The following CRTAC1 variants were observed in gnomAD, a reference collection of about 807,000 sequenced individuals.
CRTAC1 encodes the protein acidic secreted protein in cartilage.
In CRTAC1, 37 loss-of-function variants were observed where a neutral mutation model predicts 67.8. The observed-to-expected ratio is 0.55, with a 90% CI of 0.42 to 0.72. The LOEUF (loss-of-function observed/expected upper bound fraction) is 0.72. CRTAC1 is among the 30% of genes least tolerant of loss of function. CRTAC1 has a pLI of 0.00. For missense variants in CRTAC1, 780 were observed against 931.6 expected, an observed-to-expected ratio of 0.84 and a Z score of 2.12; for synonymous variants, 348 against 371.0, an observed-to-expected ratio of 0.94 and a Z score of 0.71.
chr10:97,924,920 G>C (rs1262828990), intron 3 of CRTAC1, among the ~76,000 whole-genome samples: 3 of 152,150 alleles, frequency 2.0e-5, no homozygotes, highest in Non-Finnish European at 2.9e-5. Flanking sequence ...GTGTGTGGAT[G>C]TGTGAATGAG....
chr10:97,875,364 G>C (rs2050135032), intron 14 of CRTAC1, among the ~76,000 whole-genome samples: 1 of 152,218 alleles, frequency 6.6e-6, no homozygotes, highest in Non-Finnish European at 1.5e-5. Context: ...CCTGGAGGAT[G>C]TTTTTCTTCT....
chr10:97,992,800 G>A (rs916064426), intron 2 of CRTAC1, among the ~76,000 whole-genome samples: 4 of 152,168 alleles, frequency 2.6e-5, no homozygotes, highest in Non-Finnish European at 5.9e-5. Context: ...GTGAGGAAGG[G>A]AGATATTGGT....
chr10:97,971,797 C>T (rs889907571), intron 2 of CRTAC1, among the ~76,000 whole-genome samples: 2 of 152,056 alleles, frequency 1.3e-5, no homozygotes, highest in African/African-American at 4.8e-5. Context: ...TTCAAAGATA[C>T]GTCTTATTAC....
At chr10:97,906,476 G>A (rs2050614542) in intron 6 of CRTAC1, among the ~76,000 whole-genome samples, 2 of 151,996 alleles carry the variant, frequency 1.3e-5, no homozygotes, top group Admixed American at 6.6e-5. Context: ...TTTCAATTAC[G>A]GGCCTAGCAC....
At chr10:97,967,594 T>G (rs892235009) in intron 2 of CRTAC1, among the ~76,000 whole-genome samples, 1 of 152,256 alleles carries the variant, frequency 6.6e-6, no homozygotes, top group Non-Finnish European at 1.5e-5. Context: ...TAAATATTTC[T>G]ATATGTAACC....
At chr10:97,916,398 A>T (rs1590206445) in intron 5 of CRTAC1, among the ~76,000 whole-genome samples, 1 of 152,182 alleles carries the variant, frequency 6.6e-6, no homozygotes, top group East Asian at 1.9e-4. Flanking sequence ...TTTATTGTCT[A>T]GTCATTTGTT....
chr10:97,950,971 T>C (rs936911633), intron 2 of CRTAC1, among the ~76,000 whole-genome samples: 1 of 152,180 alleles, frequency 6.6e-6, no homozygotes, highest in Admixed American at 6.5e-5. Flanking sequence ...ACTGAGAAGC[T>C]AGCTTGGGGG....
At chr10:97,894,160 T>A (rs1386899380) in intron 11 of CRTAC1, among the ~76,000 whole-genome samples, 1 of 152,204 alleles carries the variant, frequency 6.6e-6, no homozygotes, top group Non-Finnish European at 1.5e-5. Context: ...TAGGTTTGTT[T>A]TGTTTTCTTA....
intron 11 of CRTAC1, among the ~76,000 whole-genome samples, chr10:97,891,380 G>C (rs914349170): frequency 1.3e-5 from 2 of 152,186 alleles, no homozygotes; most frequent in Non-Finnish European, 2.9e-5. Context: ...CTCCTAGAAT[G>C]GTCTCCTTAG....
chr10:97,902,346 T>A (rs779791463), intron 7 of CRTAC1, among the ~76,000 whole-genome samples: 1 of 152,234 alleles, frequency 6.6e-6, no homozygotes, highest in Non-Finnish European at 1.5e-5. Context: ...AGAGGTTACC[T>A]GTAGCTGTGG....
intron 1 of CRTAC1, among the ~76,000 whole-genome samples, chr10:98,028,843 C>T (rs1350737725): frequency 1.3e-5 from 2 of 152,078 alleles, no homozygotes; most frequent in East Asian, 1.9e-4. Flanking sequence ...TTTGAACATC[C>T]ACCTACATTC....
intron 2 of CRTAC1, among the ~76,000 whole-genome samples, chr10:97,959,622 G>C (rs2051492287): frequency 6.6e-6 from 1 of 152,174 alleles, no homozygotes; most frequent in South Asian, 2.1e-4. Context: ...AAGGTGTGTG[G>C]TTTTACTGCC....
rs1842898662 is a variant in CRTAC1, at chr10:98,011,135, T to C, written c.224+3A>G. ...TGTCACACTGAGGGTGGGAGGCACT[T>C]ACCCCGCCACGACGATCTCAAAGTC... On this transcript the variant is annotated splice_donor_region_variant and intron_variant, in intron 2 of 14. Transcript: ENST00000370597. 1 of 1,613,556 alleles carries C rather than the reference T, an allele frequency of 6.2e-7. No individual in the cohort carries two copies. The highest frequency in any genetic ancestry group is 1.3e-5 in the African/African-American group (1 of 74,920).
chr10:97,877,539 C>T (rs971226354), intron 14 of CRTAC1, among the ~76,000 whole-genome samples: 1 of 152,208 alleles, frequency 6.6e-6, no homozygotes, highest in African/African-American at 2.4e-5. Context: ...GGGATCAACA[C>T]ATATTACTTT....
At chr10:97,942,529 C>T (rs1006900965) in intron 2 of CRTAC1, among the ~76,000 whole-genome samples, 2 of 152,078 alleles carry the variant, frequency 1.3e-5, no homozygotes, top group South Asian at 2.1e-4. Flanking sequence ...GACTTCTTTT[C>T]GCTTAGAATC....
intron 11 of CRTAC1, among the ~76,000 whole-genome samples, chr10:97,887,541 G>A (rs1266419024): frequency 6.6e-6 from 1 of 152,210 alleles, no homozygotes; most frequent in Non-Finnish European, 1.5e-5. Flanking sequence ...ACCACCACCA[G>A]CGGGACTTAG....
chr10:97,879,857 G>GTT, intron 14 of CRTAC1: 1 of 1,150,168 alleles, frequency 8.7e-7, no homozygotes. Flanking sequence ...AAGGGGGTGG[G>GTT]GACGGGGTGG....
intron 2 of CRTAC1, among the ~76,000 whole-genome samples, chr10:97,963,092 A>G (rs894490460): frequency 1.3e-5 from 2 of 151,964 alleles, no homozygotes; most frequent in African/African-American, 4.8e-5. Context: ...AAATCTAGGC[A>G]CAAGCAAAGC....
chr10:97,929,359 A>G (rs2050968512), intron 3 of CRTAC1, among the ~76,000 whole-genome samples: 1 of 152,188 alleles, frequency 6.6e-6, no homozygotes, highest in Non-Finnish European at 1.5e-5. Context: ...AAGGGGAACA[A>G]GAGGGCACCT....
Sources: allele counts gnomAD v4.1 joint callset (sites outside exome capture counted in the v4.1 genomes callset), GRCh38; gene constraint gnomAD v4.1.1; transcripts MANE v1.5; gene names NCBI Gene and HGNC (gene_info 2026-07-23, HGNC 2026-07-21).